Variants in OSM observed in about 807,000 individuals in gnomAD.
The protein encoded by OSM is oncostatin M.
A neutral mutation model predicts 6.3 loss-of-function variants in OSM; 1 was observed. The observed-to-expected ratio is 0.16, with a 90% confidence interval of 0.06 to 0.76. The LOEUF is 0.76. Among genes scored for constraint, OSM ranks in the 30% least tolerant of loss-of-function variants. The pLI is 0.77. For missense variants in OSM, 324 were observed against 336.9 expected, an observed-to-expected ratio of 0.96 and a Z score of 0.30; for synonymous variants, 135 against 143.4, an observed-to-expected ratio of 0.94 and a Z score of 0.42.
intron 2 of OSM, 82 bp from the exon 3 acceptor site, chr22:30,264,546 C>T: frequency 8.9e-7 from 1 of 1,127,242 alleles, no homozygotes. Flanking sequence ...AAATGCTAGA[C>T]CTCATGCACC....
chr22:30,264,925 G>A, intron 2 of OSM, 77 bp downstream of exon 2: 1 of 1,549,898 alleles, frequency 6.5e-7, no homozygotes, highest in Middle Eastern at 1.7e-4. Flanking sequence ...GGCTAGGCCT[G>A]TCCTCCCTGC....
chr22:30,264,166 T>A lies in OSM; in HGVS notation c.476A>T (p.Asn159Ile). The A allele has an allele frequency of 6.2e-7, 1 of 1,613,716 alleles. No homozygotes were observed. Among genetic ancestry groups the A allele is most frequent in the Non-Finnish European group, 8.5e-7 (1 of 1,179,982 alleles). ...NIYCMAQLLD[N>I]SDTAEPTKAG... ...CTTCGTGGGCTCAGCCGTGTCTGAG[T>A]TGTCCAGCAGCTGGGCCATGCAGTA... Residue 159 changes from asparagine to isoleucine, a missense_variant, in exon 3 of 3, where the codon AAC (asparagine) becomes ATC (isoleucine). By Grantham distance (149) the Asn-to-Ile change is moderately radical. Coordinates refer to ENST00000215781, the MANE Select transcript of OSM (RefSeq NM_020530.6).
chr22:30,263,884 T>A lies in OSM; in HGVS notation c.758A>T (p.Ter253LeuextTer24). ...CACCGGCAAGGGGTGCTCTCGAGGCTACCGGGGCAGCTGTCCCCTGGTCAT... is the reference window on the plus strand; with the variant it reads ...CACCGGCAAGGGGTGCTCTCGAGGCAACCGGGGCAGCTGTCCCCTGGTCAT... ...RLMTRGQLPR[*>L] Residue 253 changes from the stop codon to leucine (L), a stop_lost, in exon 3 of 3, where the codon TAG (stop) becomes TTG (leucine). Transcript: ENST00000215781. 1 of 1,496,684 alleles carries A rather than the reference T, an allele frequency of 6.7e-7. No individual in the cohort carries two copies. Among genetic ancestry groups the A allele is most frequent in the South Asian group, 1.4e-5 (1 of 72,782 alleles). The allele number at this position is 1,496,684 out of a possible 1,614,324, so 92.7% of individuals were successfully genotyped here.
At chr22:30,264,959 T>C (rs200135895) in intron 2 of OSM, 43 bp downstream of exon 2, 1 of 1,605,540 alleles carries the variant, frequency 6.2e-7, no homozygotes, top group South Asian at 1.1e-5. Context: ...CCTAACCCCA[T>C]AGTTCTCTGA....
At chr22:30,264,799 G>A (rs566875168) in intron 2 of OSM, among the ~76,000 whole-genome samples, 4 of 152,288 alleles carry the variant, frequency 2.6e-5, no homozygotes, top group East Asian at 3.9e-4. Flanking sequence ...GATGGTGTCC[G>A]GAGTCCCGCC....
At chr22:30,264,531 C>A in intron 2 of OSM, 67 bp from the exon 3 acceptor site, 1 of 1,317,252 alleles carries the variant, frequency 7.6e-7, no homozygotes, top group South Asian at 1.4e-5. Context: ...GACAAGTAAG[C>A]CTTGAAATGC....
Position 30,263,573 on chromosome 22 carries a change from C to T in OSM, c.*310G>A, listed in dbSNP as rs1929296635. ...GGGAGCAAGGCAGGGGGGCAGTCAG[C>T]CCGGCCATGAGTCAGCCTGTGTCAT... On this transcript the variant is annotated 3_prime_UTR_variant, in exon 3 of 3. Transcript: ENST00000215781. 8.8e-6 allele frequency: 3 copies of T among 341,014 alleles called. No individual in the cohort carries two copies. The highest frequency in any genetic ancestry group is 1.6e-5 in the Non-Finnish European group (3 of 188,904). 21.1% of individuals were successfully genotyped at this position (341,014 alleles called of 1,614,324 possible).
At chr22:30,264,952 A>G in intron 2 of OSM, 50 bp downstream of exon 2, 36 of 1,599,324 alleles carry the variant, frequency 2.3e-5, no homozygotes, top group Non-Finnish European at 3.1e-5. Context: ...CTCCCTTCCT[A>G]ACCCCATAGT....
intron 2 of OSM, 146 bp downstream of exon 2, chr22:30,264,856 C>T (rs1929348947): frequency 1.9e-6 from 2 of 1,072,686 alleles, no homozygotes; most frequent in East Asian, 4.8e-5. Flanking sequence ...CTTAGCTCCT[C>T]AGGGTTAAGG....
At position 30,266,756 on chromosome 22, in the gene OSM, A is replaced by G; in HGVS notation, c.34+10T>C. On this transcript the variant is annotated intron_variant, in intron 1 of 2. Coordinates refer to ENST00000215781, the MANE Select transcript of OSM (RefSeq NM_020530.6). This position sits in a 1 kb window ranked among gnomAD's most constrained non-coding sequence, Gnocchi z 5.0. ...AGGCGGGTTCTGGCGGGGAGGAAGGAAGTACTTACTGAGCAGCGTCCTCTG... is the reference window on the plus strand; with the variant it reads ...AGGCGGGTTCTGGCGGGGAGGAAGGGAGTACTTACTGAGCAGCGTCCTCTG... 3 of 1,612,958 alleles carry G rather than the reference A, an allele frequency of 1.9e-6. No homozygotes were observed. The highest frequency in any genetic ancestry group is 2.5e-6 in the Non-Finnish European group (3 of 1,179,416).
intron 2 of OSM, 48 bp from the exon 3 acceptor site, chr22:30,264,512 ACACT>A (rs1459579221): frequency 6.8e-7 from 1 of 1,460,190 alleles, no homozygotes; most frequent in Admixed American, 1.9e-5. Flanking sequence ...GATCCGGACC[ACACT>A]CACAGACAAG....
chr22:30,263,975 T>G lies in OSM; in HGVS notation c.667A>C (p.Ser223Arg). ...GESPNRSRRHSPHQALRKGVR... is the reference protein window; with the variant it reads ...GESPNRSRRHRPHQALRKGVR... The stretch of plus-strand genomic sequence containing the variant: ...CCCTTCCTCAGGGCCTGGTGGGGGC[T>G]GTGTCTCCGGCTCCGGTTCGGGCTC... The change falls in exon 3 of 3, where the codon AGC (serine) becomes CGC (arginine). Residue 223 changes from serine (S) to arginine (R), a missense_variant. Coordinates refer to ENST00000215781, the MANE Select transcript of OSM (RefSeq NM_020530.6). 1 of 1,543,294 alleles carries G rather than the reference T, an allele frequency of 6.5e-7. No individual in the cohort carries two copies. The highest frequency in any genetic ancestry group is 8.7e-7 in the Non-Finnish European group (1 of 1,144,442).
In OSM at chr22:30,266,692, T is replaced by C. The variant is rs1201505693; in HGVS notation, c.34+74A>G. On this transcript the variant is annotated intron_variant, in intron 1 of 2. Coordinates refer to ENST00000215781, the MANE Select transcript of OSM (RefSeq NM_020530.6). The surrounding 1 kb of genome is among the most constrained non-coding windows in gnomAD (Gnocchi z 5.0). ...TCCCCAGTTCCCGGAGGGCAGAGGGTGCCTCTGCTCCCCACCGGCACCCGT... is the reference window on the plus strand; with the variant it reads ...TCCCCAGTTCCCGGAGGGCAGAGGGCGCCTCTGCTCCCCACCGGCACCCGT... The C allele has an allele frequency of 6.5e-7, 1 of 1,531,780 alleles. No individual in the cohort carries two copies. The highest frequency in any genetic ancestry group is 9.0e-7 in the Non-Finnish European group (1 of 1,109,720). 94.9% of individuals were successfully genotyped at this position (1,531,780 alleles called of 1,614,324 possible).
At position 30,263,908 on chromosome 22, in the gene OSM, A is replaced by G; in HGVS notation, c.734T>C (p.Met245Thr). The stretch of plus-strand genomic sequence containing the variant: ...CTACCGGGGCAGCTGTCCCCTGGTC[A>G]TGAGTCTCTTGCCTTTCCTGGAGGG... The part of the protein sequence containing the change: ...TRPSRKGKRL[M>T]TRGQLPR Residue 245 changes from methionine to threonine, a missense_variant, in exon 3 of 3, where the codon ATG becomes ACG. Met to Thr is a moderately conservative substitution (Grantham distance 81). Coordinates refer to ENST00000215781, the MANE Select transcript of OSM (RefSeq NM_020530.6). The G allele has an allele frequency of 2.7e-6, 4 of 1,505,392 alleles. No individual in the cohort carries two copies. The African/African-American group carries it at 4.2e-5, about 16-fold the overall frequency. 93.3% of individuals were successfully genotyped at this position (1,505,392 alleles called of 1,614,324 possible). A position where few individuals can be genotyped will look rare whatever the true frequency, so the allele number is the denominator to read the frequency against.
At position 30,266,735 on chromosome 22, in the gene OSM, G is replaced by A. The variant is rs201836267; in HGVS notation, c.34+31C>T. 18 of 1,612,316 alleles carry A rather than the reference G, an allele frequency of 1.1e-5. No individual in the cohort carries two copies. Among genetic ancestry groups the A allele is most frequent in the South Asian group, 5.5e-5 (5 of 91,016 alleles). ...GCACCCGTGGGCAGACCCAGCAGGC[G>A]GGTTCTGGCGGGGAGGAAGGAAGTA... is the stretch of plus-strand genomic sequence containing the variant. On this transcript the variant is annotated intron_variant, in intron 1 of 2. Coordinates refer to ENST00000215781, the MANE Select transcript of OSM (RefSeq NM_020530.6). This position sits in a 1 kb window ranked among gnomAD's most constrained non-coding sequence, Gnocchi z 5.0.
intron 1 of OSM, chr22:30,265,604 T>C (rs747296895): frequency 5.8e-6 from 1 of 173,844 alleles, no homozygotes; most frequent in Non-Finnish European, 1.2e-5. Context: ...CTGAGAGGGC[T>C]TCAGGGCAGG....
At chr22:30,264,586 G>A in intron 2 of OSM, 122 bp from the exon 3 acceptor site, 1 of 847,490 alleles carries the variant, frequency 1.2e-6, no homozygotes, top group Non-Finnish European at 1.8e-6. Flanking sequence ...GACAGATCCG[G>A]AAACTGAGGC....
In OSM at chr22:30,263,631, C is replaced by T. The variant is rs1012326858; in HGVS notation, c.*252G>A. On this transcript the variant is annotated 3_prime_UTR_variant, in exon 3 of 3. Coordinates refer to ENST00000215781, the MANE Select transcript of OSM (RefSeq NM_020530.6). ...CTGAATCAATGGAAAGTCGGTCCCG[C>T]GTGGCCCGCCCGGCCACCCCACTGG... 2.4e-5 allele frequency: 10 copies of T among 409,152 alleles called. No homozygotes were observed. Among genetic ancestry groups the T allele is most frequent in the African/African-American group, 6.1e-5 (3 of 48,830 alleles). The allele number at this position is 409,152 out of a possible 1,614,324, so 25.3% of individuals were successfully genotyped here.
chr22:30,264,607 A>G, intron 2 of OSM, 143 bp from the exon 3 acceptor site: 2 of 736,666 alleles, frequency 2.7e-6, no homozygotes, highest in Non-Finnish European at 4.4e-6. Context: ...CCGAGAGGGA[A>G]GAGGACCCCA....
Sources: allele counts gnomAD v4.1 joint callset (sites outside exome capture counted in the v4.1 genomes callset), GRCh38; gene constraint gnomAD v4.1.1; non-coding constraint Gnocchi (gnomAD v3.1); transcripts MANE v1.5; gene names NCBI Gene and HGNC (gene_info 2026-07-23, HGNC 2026-07-21).